CNTNAP2: variants seen among roughly 807,000 people sequenced by gnomAD.
CNTNAP2 encodes contactin-associated protein-like 2.
In CNTNAP2, 98 loss-of-function variants were observed where a neutral mutation model predicts 155.2. The ratio of observed to expected loss-of-function variants is 0.63; its 90% CI spans 0.54 to 0.75. The LOEUF is 0.75. Among genes scored for constraint, CNTNAP2 ranks in the 30% least tolerant of loss-of-function variants. The pLI is 0.00. For missense variants in CNTNAP2, 1,727 were observed against 1,688.1 expected (o/e 1.02, Z -0.40); for synonymous variants, 651 against 631.2 (o/e 1.03, Z -0.47).
chr7:146,842,836 C>A (rs1803760253), intron 3 of CNTNAP2, among the ~76,000 whole-genome samples: 1 of 151,448 alleles, frequency 6.6e-6, no homozygotes, highest in African/African-American at 2.4e-5. Flanking sequence ...CAGGCGCCCG[C>A]CACCACGCCC....
chr7:147,840,508 A>T (rs1222195919), intron 13 of CNTNAP2, among the ~76,000 whole-genome samples: 1 of 152,042 alleles, frequency 6.6e-6, no homozygotes, highest in Non-Finnish European at 1.5e-5. Context: ...GATAGGAGAG[A>T]AAGTACAACA....
chr7:147,741,066 G>A (rs1796948353), intron 13 of CNTNAP2, among the ~76,000 whole-genome samples: 1 of 152,218 alleles, frequency 6.6e-6, no homozygotes, highest in Non-Finnish European at 1.5e-5. Context: ...GGCTCTGGAA[G>A]GCAAAGAGAA....
At position 147,601,738 on chromosome 7, in the gene CNTNAP2, C is replaced by A. The variant is rs1164604892; in HGVS notation, c.1898-37368C>A. On this transcript the variant is annotated intron_variant, in intron 12 of 23. Coordinates refer to ENST00000361727, the MANE Select transcript of CNTNAP2 (RefSeq NM_014141.6). ...CAAATTTCTTAATGTCTTTAAATAT[C>A]CAGTGTTTACATTTCCCTAATTGTC... 2.0e-5 allele frequency among the ~76,000 whole-genome samples: 3 copies of A among 148,728 alleles called. No individual in the cohort carries two copies. The East Asian group carries it at 5.9e-4, about 29-fold the overall frequency.
chr7:146,179,921 A>G (rs1319866130), intron 1 of CNTNAP2, among the ~76,000 whole-genome samples: 4 of 152,212 alleles, frequency 2.6e-5, no homozygotes, highest in African/African-American at 4.8e-5. Flanking sequence ...TCTTTAAACA[A>G]TATGAAATGA....
intron 3 of CNTNAP2, among the ~76,000 whole-genome samples, chr7:147,006,039 A>G (rs1180918750): frequency 6.6e-6 from 1 of 152,066 alleles, no homozygotes; most frequent in Non-Finnish European, 1.5e-5. Flanking sequence ...CCTGTAAATT[A>G]CACTGGAAAA....
Position 146,849,073 on chromosome 7 carries a change from A to C in CNTNAP2, c.402+9169A>C, listed in dbSNP as rs1457987682. On this transcript the variant is annotated intron_variant, in intron 3 of 23. Transcript: ENST00000361727. Reference sequence around the variant, plus strand: ...TGGGATTATAGGGGTGAGCCACTGCACCCAGCAAAAAGCTGACTTTTTAAA... The same window carrying C: ...TGGGATTATAGGGGTGAGCCACTGCCCCCAGCAAAAAGCTGACTTTTTAAA... Among the ~76,000 whole-genome samples the C allele has an allele frequency of 3.3e-5, 5 of 152,238 alleles. No homozygotes were observed. In the South Asian group the frequency reaches 8.3e-4, roughly 25 times the overall value.
intron 21 of CNTNAP2, among the ~76,000 whole-genome samples, chr7:148,325,371 C>T (rs2116544816): frequency 6.6e-6 from 1 of 152,288 alleles, no homozygotes; most frequent in South Asian, 2.1e-4. Context: ...TCTGAGATTC[C>T]AGAACCCACC....
intron 1 of CNTNAP2, among the ~76,000 whole-genome samples, chr7:146,385,936 G>T (rs778067787): frequency 4.6e-5 from 7 of 152,116 alleles, no homozygotes; most frequent in Non-Finnish European, 1.0e-4. Context: ...TTCCATTATT[G>T]AATTTTTATT....
intron 3 of CNTNAP2, among the ~76,000 whole-genome samples, chr7:147,020,021 G>T (rs1046229090): frequency 6.6e-5 from 10 of 152,032 alleles, no homozygotes; most frequent in Admixed American, 5.9e-4. Context: ...GTATGGTATA[G>T]TACAGTACAG....
intron 9 of CNTNAP2, among the ~76,000 whole-genome samples, chr7:147,358,490 G>A (rs1441871541): frequency 1.3e-5 from 2 of 152,038 alleles, no homozygotes; most frequent in African/African-American, 4.8e-5. Context: ...ACATAGCTGA[G>A]TAATAGGTTG....
intron 3 of CNTNAP2, among the ~76,000 whole-genome samples, chr7:146,976,373 G>A (rs971561141): frequency 6.6e-6 from 1 of 152,114 alleles, no homozygotes; most frequent in Non-Finnish European, 1.5e-5. Flanking sequence ...CATCCCACAG[G>A]CCTGCCCTCC....
chr7:147,091,642 G>A (rs549312508), intron 4 of CNTNAP2, among the ~76,000 whole-genome samples: 9 of 141,222 alleles, frequency 6.4e-5, no homozygotes, highest in African/African-American at 2.4e-4. Context: ...TTCTTGCTCT[G>A]TTGCCCAGGC....
At chr7:147,734,571 G>A (rs960507192) in intron 13 of CNTNAP2, among the ~76,000 whole-genome samples, 1 of 152,154 alleles carries the variant, frequency 6.6e-6, no homozygotes, top group Non-Finnish European at 1.5e-5. Context: ...CTATTGATTG[G>A]AATAGTTTCA....
intron 12 of CNTNAP2, among the ~76,000 whole-genome samples, chr7:147,615,091 CA>C (rs71183021): frequency 0.024 from 2,935 of 123,038 alleles, 100 homozygotes; most frequent in African/African-American, 0.081. Flanking sequence ...CCATCTTTAT[CA>C]AAAAAAAAAA....
At chr7:147,079,813 T>G (rs1800082669) in intron 4 of CNTNAP2, among the ~76,000 whole-genome samples, 1 of 151,984 alleles carries the variant, frequency 6.6e-6, no homozygotes, top group Non-Finnish European at 1.5e-5. Context: ...TAGCTGCTGT[T>G]TGTTGAGAAT....
chr7:148,000,862 A>G (rs11972972), intron 15 of CNTNAP2, among the ~76,000 whole-genome samples: 9,950 of 152,272 alleles, frequency 0.065, 735 homozygotes, highest in African/African-American at 0.18. Flanking sequence ...CCAGAAGTTC[A>G]AAGTCAAGCA....
intron 1 of CNTNAP2, among the ~76,000 whole-genome samples, chr7:146,569,255 G>C (rs1191395750): frequency 1.3e-5 from 2 of 152,062 alleles, no homozygotes; most frequent in African/African-American, 2.4e-5. Flanking sequence ...TCCTGACTTC[G>C]TGATCCGCCC....
intron 13 of CNTNAP2, among the ~76,000 whole-genome samples, chr7:147,803,252 C>T (rs2116594680): frequency 6.6e-6 from 1 of 152,284 alleles, no homozygotes; most frequent in South Asian, 2.1e-4. Flanking sequence ...CAAAATGTGA[C>T]CTCTTTCTCT....
intron 4 of CNTNAP2, among the ~76,000 whole-genome samples, chr7:147,058,123 G>A (rs142678650): frequency 6.6e-6 from 1 of 152,152 alleles, no homozygotes; most frequent in African/African-American, 2.4e-5. Context: ...TGCCATTAAG[G>A]ATATCATCTT....
Sources: allele counts gnomAD v4.1 joint callset (sites outside exome capture counted in the v4.1 genomes callset), GRCh38; gene constraint gnomAD v4.1.1; transcripts MANE v1.5; gene names NCBI Gene and HGNC (gene_info 2026-07-23, HGNC 2026-07-21).